Variants in FAM98B observed in about 807,000 individuals in gnomAD.
FAM98B encodes the protein tRNA-splicing ligase complex subunit FAM98B.
FAM98B carries 32 observed loss-of-function variants against 43.9 expected under a neutral mutation model. That is an observed-to-expected ratio of 0.73 (90% CI 0.55 to 0.98). The LOEUF is 0.98. FAM98B is among the 50% of genes least tolerant of loss of function. The probability of loss-of-function intolerance (pLI) is 0.00; values close to 1 mark genes in which losing one functional copy is unlikely to be tolerated. For missense variants in FAM98B, 514 were observed against 522.9 expected, an observed-to-expected ratio of 0.98 and a Z score of 0.17; for synonymous variants, 190 against 174.0, an observed-to-expected ratio of 1.09 and a Z score of -0.72.
Position 38,481,327 on chromosome 15 carries a change from TA to T in FAM98B, c.767del (p.Lys256SerfsTer46). On this transcript the variant is annotated frameshift_variant, in exon 7 of 8. Coordinates refer to ENST00000397609, the MANE Select transcript of FAM98B (RefSeq NM_173611.4). LOFTEE classifies it high-confidence loss of function. ...TDDIARIYQP[K>X]RYALSPKTTI... ...ATGATATAGCAAGAATTTATCAGCC[TA>T]AGCGTTATGCTTTGTCACCCAAGAC... The T allele has an allele frequency of 6.2e-7, 1 of 1,614,164 alleles. No homozygotes were observed. Among genetic ancestry groups the T allele is most frequent in the East Asian group, 2.2e-5 (1 of 44,870 alleles).
Position 38,472,389 on chromosome 15 carries a change from A to G in FAM98B, c.532-1116A>G, listed in dbSNP as rs567343017. ...TAAAATATGTACAAATTGTATCAGT[A>G]GAGAAATTGTATCATTGTAGATGTA... On this transcript the variant is annotated intron_variant, in intron 4 of 7. Transcript: ENST00000397609. Among the ~76,000 whole-genome samples, 49 of 152,250 alleles carry G rather than the reference A, an allele frequency of 3.2e-4. 2 individuals are homozygous for G. The South Asian group carries it at 9.7e-3, about 30-fold the overall frequency.
chr15:38,474,054 G>A, intron 5 of FAM98B, 128 bp from the exon 6 acceptor site: 1 of 622,008 alleles, frequency 1.6e-6, no homozygotes, highest in Non-Finnish European at 2.9e-6. Context: ...AAGTCTCATG[G>A]GAACAGAAAA....
intron 3 of FAM98B, among the ~76,000 whole-genome samples, chr15:38,469,147 C>G (rs1213524156): frequency 6.6e-6 from 1 of 152,160 alleles, no homozygotes; most frequent in Non-Finnish European, 1.5e-5. Flanking sequence ...CTCGGGTAAT[C>G]TGCCTGCTTC....
At chr15:38,464,448 T>A (rs1000864789) in intron 2 of FAM98B, among the ~76,000 whole-genome samples, 2 of 152,146 alleles carry the variant, frequency 1.3e-5, no homozygotes, top group Non-Finnish European at 2.9e-5. Context: ...ACCTTAGTAT[T>A]GTTTTTTAGA....
intron 1 of FAM98B, among the ~76,000 whole-genome samples, chr15:38,462,780 G>A (rs556239720): frequency 1.7e-4 from 26 of 152,274 alleles, no homozygotes; most frequent in African/African-American, 6.3e-4. Flanking sequence ...TCTGAAAAAG[G>A]CATAGAAACA....
chr15:38,466,223 G>A (rs1044090983), intron 3 of FAM98B, among the ~76,000 whole-genome samples: 5 of 142,580 alleles, frequency 3.5e-5, no homozygotes, highest in South Asian at 2.2e-4. Context: ...TGTGTGTTTA[G>A]TGGTGACAAA....
intron 1 of FAM98B, among the ~76,000 whole-genome samples, chr15:38,454,843 G>C (rs1399569718): frequency 6.6e-6 from 1 of 152,132 alleles, no homozygotes; most frequent in Non-Finnish European, 1.5e-5. Flanking sequence ...ATTACTCTTG[G>C]CTTACATAGT....
At chr15:38,470,446 G>A in intron 4 of FAM98B, 41 bp downstream of exon 4, 15 of 1,509,550 alleles carry the variant, frequency 9.9e-6, no homozygotes, top group Non-Finnish European at 1.3e-5. Flanking sequence ...TCAACTGAAT[G>A]GTAACATGTA....
intron 6 of FAM98B, among the ~76,000 whole-genome samples, chr15:38,478,308 GT>G (rs1890234776): frequency 6.6e-6 from 1 of 151,626 alleles, no homozygotes; most frequent in African/African-American, 2.4e-5. Flanking sequence ...TTGTGTTTTT[GT>G]TTTTTTCTTA....
Position 38,470,528 on chromosome 15 carries a change from A to G in FAM98B, c.531+123A>G, listed in dbSNP as rs568124618. The G allele has an allele frequency of 7.0e-6, 6 of 860,064 alleles. No individual in the cohort carries two copies. In the East Asian group the frequency reaches 1.9e-4, roughly 28 times the overall value. 53.3% of individuals were successfully genotyped at this position (860,064 alleles called of 1,614,324 possible). On this transcript the variant is annotated intron_variant, in intron 4 of 7. Coordinates refer to ENST00000397609, the MANE Select transcript of FAM98B (RefSeq NM_173611.4). ...CATTTTATTTCAAGAGTTTATCTTC[A>G]TATAAACCCAGTTTTGGATTCAGAC...
chr15:38,454,531 T>C (rs1173163575), intron 1 of FAM98B, among the ~76,000 whole-genome samples: 3 of 152,250 alleles, frequency 2.0e-5, no homozygotes, highest in Non-Finnish European at 2.9e-5. Context: ...ACCGGTTTTC[T>C]GGGCTAGCTC....
At chr15:38,480,759 G>T (rs1300402374) in intron 6 of FAM98B, among the ~76,000 whole-genome samples, 2 of 151,990 alleles carry the variant, frequency 1.3e-5, no homozygotes, top group Non-Finnish European at 2.9e-5. Flanking sequence ...TTAGTATTTG[G>T]TAGGATTATA....
At chr15:38,458,286 C>T (rs1889882758) in intron 1 of FAM98B, among the ~76,000 whole-genome samples, 1 of 152,182 alleles carries the variant, frequency 6.6e-6, no homozygotes, top group Non-Finnish European at 1.5e-5. Flanking sequence ...AAGGTGTGTA[C>T]CTGGAGCACC....
In FAM98B at chr15:38,465,404, G is replaced by A; in HGVS notation, c.352+1G>A. The A allele has an allele frequency of 6.3e-7, 1 of 1,582,432 alleles. No homozygotes were observed. Among genetic ancestry groups the A allele is most frequent in the Non-Finnish European group, 8.6e-7 (1 of 1,166,864 alleles). On this transcript the variant is annotated splice_donor_variant, in intron 3 of 7. Transcript: ENST00000397609. LOFTEE classifies it high-confidence loss of function. ...AAGGAGGACTGTTTGAAACTTCTAT[G>A]TAAGTTATCTTGAACATTTAAATGC...
At position 38,486,265 on chromosome 15, in the gene FAM98B, T is replaced by C. The variant is rs1040145550; in HGVS notation, c.*1606T>C. ...TAATGAAAAGATGTAATTTCATTTG[T>C]GATAGCTGAAAAAAAGGCTTTCCAT... On this transcript the variant is annotated 3_prime_UTR_variant, in exon 8 of 8. Transcript: ENST00000397609. 2.0e-5 allele frequency: 3 copies of C among 151,962 alleles called. No homozygotes were observed. Among genetic ancestry groups the C allele is most frequent in the Non-Finnish European group, 4.4e-5 (3 of 67,960 alleles). 9.4% of individuals were successfully genotyped at this position (151,962 alleles called of 1,614,324 possible). A position where few individuals can be genotyped will look rare whatever the true frequency, so the allele number is the denominator to read the frequency against.
intron 6 of FAM98B, 70 bp downstream of exon 6, chr15:38,474,368 T>C: frequency 9.8e-7 from 1 of 1,015,612 alleles, no homozygotes; most frequent in East Asian, 2.4e-5. Context: ...TGCTTGTCTG[T>C]TATGTAACCA....
At chr15:38,476,080 AG>A (rs1890195364) in intron 6 of FAM98B, among the ~76,000 whole-genome samples, 1 of 152,214 alleles carries the variant, frequency 6.6e-6, no homozygotes. Flanking sequence ...TTTCCAAACA[AG>A]GAGTGCATAG....
intron 3 of FAM98B, among the ~76,000 whole-genome samples, chr15:38,468,977 ATTCAGTGCAACCT>A (rs1487011930): frequency 6.6e-6 from 1 of 152,150 alleles, no homozygotes; most frequent in Non-Finnish European, 1.5e-5. Context: ...CACGATCTCG[ATTCAGTGCAACCT>A]TCGCCTCTGG....
chr15:38,455,861 A>G (rs1352230711), intron 1 of FAM98B, among the ~76,000 whole-genome samples: 1 of 152,230 alleles, frequency 6.6e-6, no homozygotes, highest in Non-Finnish European at 1.5e-5. Context: ...AGATTATTCA[A>G]CATGGAAAGT....
Sources: gnomAD v4.1 joint callset for allele counts (sites outside exome capture counted in the v4.1 genomes callset) on GRCh38, gnomAD v4.1.1 for gene constraint, MANE v1.5 for transcripts, NCBI Gene and HGNC (gene_info 2026-07-23, HGNC 2026-07-21) for gene names.